Variants in SH3TC1 observed in about 807,000 individuals in gnomAD.
SH3TC1 encodes SH3 domain and tetratricopeptide repeats 1, also known as SH3 domain and tetratricopeptide repeat-containing protein 1.
In SH3TC1, 135 loss-of-function variants were observed where a neutral mutation model predicts 117.3. The observed-to-expected ratio is 1.15, with a 90% confidence interval of 1.00 to 1.33. SH3TC1 has a LOEUF of 1.33. Among genes scored for constraint, SH3TC1 ranks in the 40% most tolerant of loss-of-function variants. The probability of loss-of-function intolerance (pLI) is 0.00; values close to 1 mark genes in which losing one functional copy is unlikely to be tolerated. For missense variants in SH3TC1, 2,092 were observed against 1,794.3 expected (o/e 1.17, Z -3.00); for synonymous variants, 898 against 816.9 (o/e 1.10, Z -1.69).
intron 16 of SH3TC1, chr4:8,237,052 G>A (rs540107297): frequency 5.7e-6 from 1 of 174,288 alleles, no homozygotes; most frequent in African/African-American, 2.9e-5. Context: ...GCGCATCTGT[G>A]GGGGGACCTG....
At chr4:8,238,763 G>A (rs897622653) in intron 17 of SH3TC1, among the ~76,000 whole-genome samples, 4 of 152,228 alleles carry the variant, frequency 2.6e-5, no homozygotes, top group Non-Finnish European at 5.9e-5. Flanking sequence ...GCCTTCCAGA[G>A]GGGACTTTAT....
chr4:8,228,617 G>C lies in SH3TC1; in HGVS notation c.2923G>C (p.Val975Leu). The change falls in exon 12 of 18, where the codon GTC becomes CTC. Residue 975 changes from valine to leucine, a missense_variant. Physicochemically the swap from Val to Leu is conservative, Grantham distance 32. Transcript: ENST00000245105. ...GKGYYEWALL[V>L]AVEMGHVESQ... ...GGGCTACTACGAGTGGGCCCTTCTG[G>C]TCGCCGTGGAGATGGGCCACGTGGA... 6.6e-7 allele frequency: 1 copy of C among 1,525,492 alleles called. No homozygotes were observed. The highest frequency in any genetic ancestry group is 8.8e-7 in the Non-Finnish European group (1 of 1,139,040). 94.5% of individuals were successfully genotyped at this position (1,525,492 alleles called of 1,614,324 possible). A position where few individuals can be genotyped will look rare whatever the true frequency, so the allele number is the denominator to read the frequency against.
chr4:8,200,971 G>A (rs1281122), intron 1 of SH3TC1, among the ~76,000 whole-genome samples: 93,099 of 152,028 alleles, frequency 0.61, 29,011 homozygotes, highest in South Asian at 0.82. Context: ...AGGGAAGGTC[G>A]CTTCATCTGC....
At chr4:8,234,602 T>C (rs1721641374) in intron 14 of SH3TC1, among the ~76,000 whole-genome samples, 1 of 152,056 alleles carries the variant, frequency 6.6e-6, no homozygotes, top group Non-Finnish European at 1.5e-5. Flanking sequence ...CATCCATCCA[T>C]CCATGTACCT....
chr4:8,239,019 G>C (rs1722079894), intron 17 of SH3TC1, among the ~76,000 whole-genome samples: 1 of 152,174 alleles, frequency 6.6e-6, no homozygotes, highest in Non-Finnish European at 1.5e-5. Context: ...AGGGCCCAGA[G>C]AGGTGGCAGA....
rs369238543 is a variant in SH3TC1 at position 8,222,967 on chromosome 4, C to T, written c.1240C>T (p.Leu414=). The change falls in exon 10 of 18, where the codon CTG becomes TTG. Residue 414 remains leucine, a synonymous_variant. Coordinates refer to ENST00000245105, the MANE Select transcript of SH3TC1 (RefSeq NM_018986.5). ...CACCGATGTCTGCAGCGTGTACAGC[C>T]TGGGTGCGTGTGGGCGATGCCTGTG... ...SGTDVCSVYS[L]DSVEEAETEQ... The T allele has an allele frequency of 2.7e-5, 44 of 1,609,552 alleles. No homozygotes were observed. Among genetic ancestry groups the T allele is most frequent in the Non-Finnish European group, 3.6e-5 (42 of 1,177,638 alleles).
chr4:8,227,278 C>A lies in SH3TC1; in HGVS notation c.1584C>A (p.Ser528Arg). The A allele has an allele frequency of 6.2e-7, 1 of 1,605,524 alleles. No individual in the cohort carries two copies. Among genetic ancestry groups the A allele is most frequent in the Admixed American group, 1.7e-5 (1 of 58,760 alleles). The part of the protein sequence containing the change: ...LYDVALPWLS[S>R]VFRSFSDEEE... ...ATGTGGCGCTGCCGTGGCTGAGCAG[C>A]GTGTTCCGCAGCTTCAGCGACGAGG... is the stretch of plus-strand genomic sequence containing the variant. The change falls in exon 12 of 18, where the codon AGC (serine) becomes AGA (arginine). Residue 528 changes from serine (S) to arginine (R), a missense_variant. By Grantham distance (110) the Ser-to-Arg change is moderately radical. Coordinates refer to ENST00000245105, the MANE Select transcript of SH3TC1 (RefSeq NM_018986.5).
chr4:8,240,481 G>C (rs1722230661), intron 17 of SH3TC1, among the ~76,000 whole-genome samples: 1 of 152,222 alleles, frequency 6.6e-6, no homozygotes, highest in Non-Finnish European at 1.5e-5. Context: ...AGGAGGCTCG[G>C]GGTGAGTGGG....
Position 8,237,634 on chromosome 4 carries a change from C to T in SH3TC1, c.3717C>T (p.Tyr1239=), listed in dbSNP as rs373689369. 5.0e-6 allele frequency: 8 copies of T among 1,610,388 alleles called. No individual in the cohort carries two copies. The highest frequency in any genetic ancestry group is 6.8e-6 in the Non-Finnish European group (8 of 1,178,514). The change falls in exon 17 of 18, where the codon TAC becomes TAT. Residue 1239 remains tyrosine (Y), a synonymous_variant. Coordinates refer to ENST00000245105, the MANE Select transcript of SH3TC1 (RefSeq NM_018986.5). ...AGACCCTCTACTACGTGAAGGTGTA[C>T]CTGGTGCTCGGTGACATCATCTTCT... ...DEETLYYVKV[Y]LVLGDIIFYD...
chr4:8,218,347 GGTAA>G lies in SH3TC1; in HGVS notation c.916+3_916+6del, dbSNP rs779371781. 2.9e-5 allele frequency: 46 copies of G among 1,608,150 alleles called. No homozygotes were observed. The highest frequency in any genetic ancestry group is 2.0e-4 in the South Asian group (18 of 90,530). ...TGTGATGCCCGGCAACCCGCTGATG[GGTAA>G]GTGTTTCCATGGGCCTCTCTTTTTT... is the stretch of plus-strand genomic sequence containing the variant. On this transcript the variant is annotated splice_donor_variant and splice_donor_region_variant and intron_variant, in intron 8 of 17. Coordinates refer to ENST00000245105, the MANE Select transcript of SH3TC1 (RefSeq NM_018986.5). LOFTEE classifies it high-confidence loss of function.
At chr4:8,232,633 A>T in intron 13 of SH3TC1, 1 of 1,311,780 alleles carries the variant, frequency 7.6e-7, no homozygotes, top group Non-Finnish European at 1.0e-6. Context: ...CACATCCCAC[A>T]TGTGGCCCAC....
chr4:8,226,659 A>T (rs968696064), intron 11 of SH3TC1, among the ~76,000 whole-genome samples: 1 of 152,198 alleles, frequency 6.6e-6, no homozygotes, highest in African/African-American at 2.4e-5. Flanking sequence ...TCTCTGAGGG[A>T]TCACTGAGCT....
intron 16 of SH3TC1, 129 bp downstream of exon 16, chr4:8,236,557 C>T (rs1462794033): frequency 1.6e-6 from 2 of 1,272,038 alleles, no homozygotes; most frequent in East Asian, 5.9e-5. Context: ...GCACATCTGC[C>T]CAGCTGGCTC....
Position 8,228,350 on chromosome 4 carries a change from T to A in SH3TC1, c.2656T>A (p.Tyr886Asn). Residue 886 changes from tyrosine (Y) to asparagine (N), a missense_variant, in exon 12 of 18, where the codon TAC (tyrosine) becomes AAC (asparagine). Tyr to Asn is a moderately radical substitution (Grantham distance 143, BLOSUM62 -2). Transcript: ENST00000245105. ...TGRTRQAAES[Y>N]YRALRVARDL... ...CCGGACGAGGCAGGCAGCTGAGAGC[T>A]ACTACCGCGCCCTGCGGGTGGCTCG... is the stretch of plus-strand genomic sequence containing the variant. 6.2e-7 allele frequency: 1 copy of A among 1,611,858 alleles called. No homozygotes were observed.
At position 8,214,539 on chromosome 4, in the gene SH3TC1, C is replaced by A. The variant is rs1268476958; in HGVS notation, c.440C>A (p.Thr147Asn). The change falls in exon 5 of 18, where the codon ACT becomes AAT. Residue 147 changes from threonine to asparagine, a missense_variant. By Grantham distance (65) the Thr-to-Asn change is moderately conservative. Transcript: ENST00000245105. ...DQDRIVVTFKTFEEIWKFSTY... is the reference protein window; with the variant it reads ...DQDRIVVTFKNFEEIWKFSTY... ...GACCGGATCGTGGTGACGTTTAAGACTTTTGAAGAAATCTGGAAGTTTTCC... is the reference window on the plus strand; with the variant it reads ...GACCGGATCGTGGTGACGTTTAAGAATTTTGAAGAAATCTGGAAGTTTTCC... 3.7e-6 allele frequency: 6 copies of A among 1,613,894 alleles called. No individual in the cohort carries two copies. The Admixed American group carries it at 5.0e-5, about 13-fold the overall frequency.
rs1327109460 is a variant in SH3TC1, at chr4:8,199,869, T to G, written c.-29+464T>G. On this transcript the variant is annotated intron_variant, in intron 1 of 17. Transcript: ENST00000245105. Reference sequence around the variant, plus strand: ...CACCCGGCACCGCAGTGGCTATAACTGGCCACTCTGATGCCGCCACCTGGG... The same window carrying G: ...CACCCGGCACCGCAGTGGCTATAACGGGCCACTCTGATGCCGCCACCTGGG... Among the ~76,000 whole-genome samples, 3 of 152,176 alleles carry G rather than the reference T, an allele frequency of 2.0e-5. No homozygotes were observed. In the East Asian group the frequency reaches 5.8e-4, roughly 29 times the overall value.
At chr4:8,202,010 A>T (rs1350365312) in intron 1 of SH3TC1, among the ~76,000 whole-genome samples, 2 of 151,954 alleles carry the variant, frequency 1.3e-5, no homozygotes. Flanking sequence ...GGAGCGAAAG[A>T]CCCCTTAAAC....
chr4:8,214,787 G>A (rs1402233020), intron 5 of SH3TC1, among the ~76,000 whole-genome samples: 2 of 151,810 alleles, frequency 1.3e-5, no homozygotes, highest in African/African-American at 2.4e-5. Context: ...GGGTTCAAGC[G>A]ATTCTCCTGC....
chr4:8,227,161 C>A lies in SH3TC1; in HGVS notation c.1467C>A (p.Ala489=). The change falls in exon 12 of 18, where the codon GCC becomes GCA. Residue 489 remains alanine, a synonymous_variant. Coordinates refer to ENST00000245105, the MANE Select transcript of SH3TC1 (RefSeq NM_018986.5). ...AGGAGCCCTCCTTCTGCTTGGAAGC[C>A]GAGGACGACTGGGAGGACCCAGAGG... ...DPEEPSFCLE[A]EDDWEDPEAL... is the part of the protein sequence containing the mutation. 1 of 1,607,274 alleles carries A rather than the reference C, an allele frequency of 6.2e-7. No homozygotes were observed. The highest frequency in any genetic ancestry group is 8.5e-7 in the Non-Finnish European group (1 of 1,177,112).
Sources: gnomAD v4.1 joint callset for allele counts (sites outside exome capture counted in the v4.1 genomes callset) on GRCh38, gnomAD v4.1.1 for gene constraint, MANE v1.5 for transcripts, NCBI Gene and HGNC (gene_info 2026-07-23, HGNC 2026-07-21) for gene names.